The following CA10 variants were observed in gnomAD, a reference collection of about 807,000 sequenced individuals.
CA10 encodes carbonic anhydrase-related protein 10.
A neutral mutation model predicts 44.2 loss-of-function variants in CA10; 14 were observed. The observed-to-expected ratio is 0.32, with a 90% CI of 0.21 to 0.50. The LOEUF (loss-of-function observed/expected upper bound fraction) is 0.50, where lower values mean the gene tolerates loss of function less well. Ranked by LOEUF, CA10 falls within the 20% of genes least tolerant of loss-of-function variation. The probability of loss-of-function intolerance (pLI) is 0.99; values close to 1 mark genes in which losing one functional copy is unlikely to be tolerated. For synonymous variants in CA10, 159 were observed against 141.6 expected (o/e 1.12, Z -0.87); for missense variants, 350 against 409.7 (o/e 0.85, Z 1.26).
chr17:51,702,648 T>C (rs1915640846), intron 4 of CA10, among the ~76,000 whole-genome samples: 1 of 152,152 alleles, frequency 6.6e-6, no homozygotes, highest in Non-Finnish European at 1.5e-5. Context: ...CTGACTCCCA[T>C]ACCTCTGGCT....
chr17:51,642,559 T>C (rs1913132102), intron 6 of CA10, among the ~76,000 whole-genome samples: 1 of 152,246 alleles, frequency 6.6e-6, no homozygotes, highest in South Asian at 2.1e-4. Flanking sequence ...GCGCTGAATC[T>C]GAAAGCTCTC....
chr17:51,643,643 C>T (rs1410462803), intron 6 of CA10, among the ~76,000 whole-genome samples: 2 of 152,156 alleles, frequency 1.3e-5, no homozygotes, highest in Non-Finnish European at 2.9e-5. Context: ...GATTCAAGCA[C>T]AGGAGCGGTA....
At chr17:51,904,335 C>T (rs1040877793) in intron 3 of CA10, among the ~76,000 whole-genome samples, 1 of 152,062 alleles carries the variant, frequency 6.6e-6, no homozygotes, top group African/African-American at 2.4e-5. Context: ...CTTTCTAATT[C>T]CTAAACTGGC....
At chr17:52,038,423 A>C (rs900136966) in intron 2 of CA10, among the ~76,000 whole-genome samples, 1 of 152,208 alleles carries the variant, frequency 6.6e-6, no homozygotes, top group Admixed American at 6.6e-5. Context: ...GTCAGTACAA[A>C]ATTGAATATG....
chr17:51,835,092 G>A (rs139236480), intron 3 of CA10, among the ~76,000 whole-genome samples: 63 of 152,284 alleles, frequency 4.1e-4, no homozygotes, highest in African/African-American at 1.4e-3. Context: ...CTTGTGCCCC[G>A]GCTGCTCAAT....
intron 2 of CA10, among the ~76,000 whole-genome samples, chr17:52,009,846 T>G (rs1985724845): frequency 6.6e-6 from 1 of 151,812 alleles, no homozygotes; most frequent in African/African-American, 2.4e-5. Flanking sequence ...ATCTTCACAA[T>G]CTATATATCC....
chr17:51,701,292 C>G (rs896188751), intron 4 of CA10, among the ~76,000 whole-genome samples: 1 of 152,030 alleles, frequency 6.6e-6, no homozygotes, highest in Admixed American at 6.6e-5. Flanking sequence ...GTCCCAATTT[C>G]CCTCTTCTCA....
chr17:51,825,370 C>G (rs1330450120), intron 3 of CA10, among the ~76,000 whole-genome samples: 1 of 151,932 alleles, frequency 6.6e-6, no homozygotes, highest in Admixed American at 6.5e-5. Context: ...GTAGAATATA[C>G]TCTTTACCAG....
chr17:51,940,329 A>T (rs1465311373), intron 2 of CA10, among the ~76,000 whole-genome samples: 1 of 152,060 alleles, frequency 6.6e-6, no homozygotes, highest in Non-Finnish European at 1.5e-5. Flanking sequence ...TTCCTTCCTG[A>T]TCAAAAAGAT....
chr17:51,667,293 A>G (rs1205548698), intron 4 of CA10, among the ~76,000 whole-genome samples: 3 of 152,186 alleles, frequency 2.0e-5, no homozygotes, highest in Non-Finnish European at 4.4e-5. Context: ...CTAGAGGTCA[A>G]TGGACAGTGG....
At chr17:51,731,084 G>C (rs1285713315) in intron 4 of CA10, among the ~76,000 whole-genome samples, 1 of 152,164 alleles carries the variant, frequency 6.6e-6, no homozygotes, top group Non-Finnish European at 1.5e-5. Context: ...TCCATATCAA[G>C]AAAGGGAAAT....
chr17:52,037,952 T>TC (rs1986664800), intron 2 of CA10, among the ~76,000 whole-genome samples: 1 of 152,080 alleles, frequency 6.6e-6, no homozygotes, highest in Admixed American at 6.6e-5. Context: ...ATTTTTTTTT[T>TC]CACAACCTAC....
chr17:51,867,115 C>T (rs1015945119), intron 3 of CA10, among the ~76,000 whole-genome samples: 2 of 152,046 alleles, frequency 1.3e-5, no homozygotes, highest in African/African-American at 4.8e-5. Flanking sequence ...AGACTACTGC[C>T]CATTTCAGTA....
intron 3 of CA10, among the ~76,000 whole-genome samples, chr17:51,928,511 G>T (rs950019504): frequency 1.3e-5 from 2 of 152,072 alleles, no homozygotes; most frequent in African/African-American, 4.8e-5. Context: ...CAAGTCAGGG[G>T]CTTCCAGAGA....
At chr17:52,076,455 A>T (rs2143153898) in intron 1 of CA10, among the ~76,000 whole-genome samples, 1 of 152,356 alleles carries the variant, frequency 6.6e-6, no homozygotes, top group Middle Eastern at 3.4e-3. Flanking sequence ...GTAGAACTGC[A>T]GAGCTCCTGT....
At chr17:51,905,168 T>A (rs1385576498) in intron 3 of CA10, among the ~76,000 whole-genome samples, 1 of 152,136 alleles carries the variant, frequency 6.6e-6, no homozygotes, top group Non-Finnish European at 1.5e-5. Flanking sequence ...AAAAAGTTTA[T>A]CCATCAGTGC....
intron 3 of CA10, among the ~76,000 whole-genome samples, chr17:51,902,288 CAA>C (rs1382208361): frequency 6.6e-6 from 1 of 152,006 alleles, no homozygotes; most frequent in Non-Finnish European, 1.5e-5. Flanking sequence ...CAGAATTCAG[CAA>C]AAGAGAAACA....
intron 1 of CA10, among the ~76,000 whole-genome samples, chr17:52,123,575 C>T (rs1989058442): frequency 1.3e-5 from 2 of 152,070 alleles, no homozygotes; most frequent in Non-Finnish European, 2.9e-5. Flanking sequence ...TGAATGAATA[C>T]AAGGCTTATA....
rs1905332441 is a variant in CA10, at chr17:51,765,305, T to C, written c.280-17487A>G. On this transcript the variant is annotated intron_variant, in intron 3 of 8. Coordinates refer to ENST00000451037, the MANE Select transcript of CA10 (RefSeq NM_020178.5). ...CCTCAATGAGTGGTCTGGGACAGGC[T>C]CCGAGAAACCTCATAAATTAACTAT... is the stretch of plus-strand genomic sequence containing the variant. Among the ~76,000 whole-genome samples, 3 of 152,208 alleles carry C rather than the reference T, an allele frequency of 2.0e-5. No individual in the cohort carries two copies. The South Asian group carries it at 6.2e-4, about 32-fold the overall frequency.
Sources: gnomAD v4.1 joint callset for allele counts (sites outside exome capture counted in the v4.1 genomes callset) on GRCh38, gnomAD v4.1.1 for gene constraint, MANE v1.5 for transcripts, NCBI Gene and HGNC (gene_info 2026-07-23, HGNC 2026-07-21) for gene names.